The following IL17A variants were observed in gnomAD, a reference collection of about 807,000 sequenced individuals.
IL17A encodes interleukin 17A.
IL17A carries 1 observed loss-of-function variant against 7.2 expected under a neutral mutation model. That is an observed-to-expected ratio of 0.14 (90% CI 0.05 to 0.66). The LOEUF (loss-of-function observed/expected upper bound fraction) is 0.66, where lower values mean the gene tolerates loss of function less well. IL17A is among the 30% of genes least tolerant of loss of function. The pLI, the probability that IL17A is intolerant of heterozygous loss-of-function variation, is 0.84. For missense variants in IL17A, 191 were observed against 197.1 expected, an observed-to-expected ratio of 0.97 and a Z score of 0.18; for synonymous variants, 90 against 77.7, an observed-to-expected ratio of 1.16 and a Z score of -0.83.
Position 52,189,113 on chromosome 6 carries a change from T to G in IL17A, c.289T>G (p.Leu97Val), listed in dbSNP as rs371175650. ...SVIWEAKCRH[L>V]GCINADGNVD... is the part of the protein sequence containing the mutation. ...GATCTGGGAGGCAAAGTGCCGCCACTTGGGCTGCATCAACGCTGATGGGAA... is the reference window on the plus strand; with the variant it reads ...GATCTGGGAGGCAAAGTGCCGCCACGTGGGCTGCATCAACGCTGATGGGAA... The change falls in exon 3 of 3, where the codon TTG becomes GTG. Residue 97 changes from leucine (L) to valine (V), a missense_variant. By Grantham distance (32) the Leu-to-Val change is conservative. Transcript: ENST00000648244. 6.2e-7 allele frequency: 1 copy of G among 1,614,152 alleles called. No individual in the cohort carries two copies. Among genetic ancestry groups the G allele is most frequent in the Admixed American group, 1.7e-5 (1 of 60,038 alleles).
Position 52,189,442 on chromosome 6 carries a change from G to C in IL17A, c.*150G>C. The C allele has an allele frequency of 3.4e-6, 2 of 592,972 alleles. No individual in the cohort carries two copies. Among genetic ancestry groups the C allele is most frequent in the Non-Finnish European group, 5.9e-6 (2 of 338,768 alleles). The allele number at this position is 592,972 out of a possible 1,614,324, so 36.7% of individuals were successfully genotyped here. The stretch of plus-strand genomic sequence containing the variant: ...AGTTTGTCCAATTAAAGCTTCAGAG[G>C]TAACACTTGGCCAAGATATGAGATC... On this transcript the variant is annotated 3_prime_UTR_variant, in exon 3 of 3. Coordinates refer to ENST00000648244, the MANE Select transcript of IL17A (RefSeq NM_002190.3).
In IL17A at chr6:52,189,744, A is replaced by C. The variant is rs1763346201; in HGVS notation, c.*452A>C. On this transcript the variant is annotated 3_prime_UTR_variant, in exon 3 of 3. Coordinates refer to ENST00000648244, the MANE Select transcript of IL17A (RefSeq NM_002190.3). ...TATTTATGTTTAAGTATTTAGAAAA[A>C]GGTGAAAAAGCACTATTATCAGTTC... 6.5e-6 allele frequency: 1 copy of C among 153,676 alleles called. No homozygotes were observed. Among genetic ancestry groups the C allele is most frequent in the Non-Finnish European group, 1.4e-5 (1 of 69,196 alleles). The allele number at this position is 153,676 out of a possible 1,614,324, so 9.5% of individuals were successfully genotyped here.
In IL17A at chr6:52,187,827, A is replaced by T. The variant is rs1582237830; in HGVS notation, c.230+22A>T. The T allele has an allele frequency of 3.2e-6, 5 of 1,585,940 alleles. No individual in the cohort carries two copies. The East Asian group carries it at 1.1e-4, about 35-fold the overall frequency. On this transcript the variant is annotated intron_variant, in intron 2 of 2. Coordinates refer to ENST00000648244, the MANE Select transcript of IL17A (RefSeq NM_002190.3). The stretch of plus-strand genomic sequence containing the variant: ...TCCAGTACGTAAAGCTTCCAGATAA[A>T]AATGCTATATTCTTCATCCCTCTTA...
At chr6:52,187,530 C>A in intron 1 of IL17A, 73 bp from the exon 2 acceptor site, 1 of 1,156,240 alleles carries the variant, frequency 8.6e-7, no homozygotes, top group Non-Finnish European at 1.3e-6. Context: ...ATCATCATCA[C>A]AATTAATTTG....
At chr6:52,187,200 C>T (rs1763300019) in intron 1 of IL17A, among the ~76,000 whole-genome samples, 1 of 152,136 alleles carries the variant, frequency 6.6e-6, no homozygotes, top group Non-Finnish European at 1.5e-5. Flanking sequence ...GAATATGGGA[C>T]TGAGAACAAT....
chr6:52,189,367 C>G lies in IL17A; in HGVS notation c.*75C>G. 1 of 1,064,212 alleles carries G rather than the reference C, an allele frequency of 9.4e-7. No individual in the cohort carries two copies. Among genetic ancestry groups the G allele is most frequent in the South Asian group, 1.4e-5 (1 of 70,956 alleles). 65.9% of individuals were successfully genotyped at this position (1,064,212 alleles called of 1,614,324 possible). On this transcript the variant is annotated 3_prime_UTR_variant, in exon 3 of 3. Coordinates refer to ENST00000648244, the MANE Select transcript of IL17A (RefSeq NM_002190.3). ...GACCCAGCCCCTCAGGAACCCTCAT[C>G]CTTCAAAGACAGCCTCATTTCGGAC... is the stretch of plus-strand genomic sequence containing the variant.
chr6:52,187,159 G>A (rs10484879), intron 1 of IL17A, among the ~76,000 whole-genome samples: 1 of 152,056 alleles, frequency 6.6e-6, no homozygotes, highest in African/African-American at 2.4e-5. Context: ...TTCTTCCAAT[G>A]TGAATGTTTG....
At chr6:52,186,914 T>C (rs533883536) in intron 1 of IL17A, among the ~76,000 whole-genome samples, 4 of 152,338 alleles carry the variant, frequency 2.6e-5, no homozygotes, top group African/African-American at 4.8e-5. Flanking sequence ...TAACTAAACA[T>C]AGGTATAACT....
Position 52,190,381 on chromosome 6 carries a change from C to T in IL17A, c.*1089C>T, listed in dbSNP as rs886903345. 2.0e-5 allele frequency: 3 copies of T among 152,096 alleles called. No individual in the cohort carries two copies. The highest frequency in any genetic ancestry group is 7.2e-5 in the African/African-American group (3 of 41,392). 9.4% of individuals were successfully genotyped at this position (152,096 alleles called of 1,614,324 possible). On this transcript the variant is annotated 3_prime_UTR_variant, in exon 3 of 3. Transcript: ENST00000648244. ...AGACATTGTCTTCAGACTACAATGTCCAGTTTCTCCCCTAGACTCAGGCTT... is the reference window on the plus strand; with the variant it reads ...AGACATTGTCTTCAGACTACAATGTTCAGTTTCTCCCCTAGACTCAGGCTT...
chr6:52,188,110 T>C (rs1173192939), intron 2 of IL17A, among the ~76,000 whole-genome samples: 1 of 152,238 alleles, frequency 6.6e-6, no homozygotes, highest in Non-Finnish European at 1.5e-5. Flanking sequence ...ATTCAAAGAA[T>C]AGACATTTAT....
chr6:52,187,578 T>C (rs1472466634), intron 1 of IL17A, 25 bp from the exon 2 acceptor site: 1 of 1,582,246 alleles, frequency 6.3e-7, no homozygotes, highest in Non-Finnish European at 8.7e-7. Flanking sequence ...CTCCAACCTC[T>C]CTCTCCTTTC....
chr6:52,187,975 G>A (rs1763313973), intron 2 of IL17A, among the ~76,000 whole-genome samples, 170 bp downstream of exon 2: 2 of 152,098 alleles, frequency 1.3e-5, no homozygotes, highest in African/African-American at 4.8e-5. Context: ...CTTTAACCAA[G>A]CACAGGACAG....
chr6:52,188,982 A>G, intron 2 of IL17A, 73 bp from the exon 3 acceptor site: 2 of 1,152,318 alleles, frequency 1.7e-6, no homozygotes, highest in Non-Finnish European at 2.6e-6. Context: ...GCCTCTCTTC[A>G]TGTATTCCTG....
intron 2 of IL17A, 68 bp from the exon 3 acceptor site, chr6:52,188,987 T>C (rs976379432): frequency 1.6e-6 from 2 of 1,221,086 alleles, no homozygotes; most frequent in Non-Finnish European, 2.4e-6. Flanking sequence ...TCTTCATGTA[T>C]TCCTGTTTTA....
At chr6:52,187,393 T>TA (rs1020928612) in intron 1 of IL17A, among the ~76,000 whole-genome samples, 7 of 152,138 alleles carry the variant, frequency 4.6e-5, no homozygotes, top group South Asian at 2.1e-4. Context: ...CTAGTTTTTT[T>TA]AAAAAAATTT....
chr6:52,189,312 C>A lies in IL17A; in HGVS notation c.*20C>A, dbSNP rs1010623828. 6.3e-6 allele frequency: 10 copies of A among 1,590,914 alleles called. No homozygotes were observed. The highest frequency in any genetic ancestry group is 1.7e-5 in the Admixed American group (1 of 59,908). On this transcript the variant is annotated 3_prime_UTR_variant, in exon 3 of 3. Coordinates refer to ENST00000648244, the MANE Select transcript of IL17A (RefSeq NM_002190.3). ...GCCTAAGAGCTCTGGGGAGCCCACA[C>A]TCCCCAAAGCAGTTAGACTATGGAG...
intron 2 of IL17A, 66 bp from the exon 3 acceptor site, chr6:52,188,989 C>G (rs1295610309): frequency 8.1e-7 from 1 of 1,238,750 alleles, no homozygotes; most frequent in East Asian, 2.4e-5. Context: ...TTCATGTATT[C>G]CTGTTTTATT....
rs1263424385 is a variant in IL17A, at chr6:52,190,404, C to T, written c.*1112C>T. ...GTCCAGTTTCTCCCCTAGACTCAGG[C>T]TTCCTTTGGAGATTAAGGCCCCTCA... On this transcript the variant is annotated 3_prime_UTR_variant, in exon 3 of 3. Coordinates refer to ENST00000648244, the MANE Select transcript of IL17A (RefSeq NM_002190.3). 1 of 152,160 alleles carries T rather than the reference C, an allele frequency of 6.6e-6. No individual in the cohort carries two copies. Among genetic ancestry groups the T allele is most frequent in the Admixed American group, 6.5e-5 (1 of 15,280 alleles). 9.4% of individuals were successfully genotyped at this position (152,160 alleles called of 1,614,324 possible). A position where few individuals can be genotyped will look rare whatever the true frequency, so the allele number is the denominator to read the frequency against.
At position 52,187,809 on chromosome 6, in the gene IL17A, C is replaced by G. The variant is rs772319087; in HGVS notation, c.230+4C>G. ...CCACCTCACCTTGGAATCTCCAGTA[C>G]GTAAAGCTTCCAGATAAAAATGCTA... On this transcript the variant is annotated splice_donor_region_variant and intron_variant, in intron 2 of 2. Coordinates refer to ENST00000648244, the MANE Select transcript of IL17A (RefSeq NM_002190.3). 3.1e-6 allele frequency: 5 copies of G among 1,609,594 alleles called. No homozygotes were observed. The East Asian group carries it at 8.9e-5, about 29-fold the overall frequency.
Sources: allele counts gnomAD v4.1 joint callset (sites outside exome capture counted in the v4.1 genomes callset), GRCh38; gene constraint gnomAD v4.1.1; transcripts MANE v1.5; gene names NCBI Gene and HGNC (gene_info 2026-07-23, HGNC 2026-07-21).